Variants in ROCK1 observed in about 807,000 individuals in gnomAD.
ROCK1 encodes the protein rho-associated protein kinase 1.
In ROCK1, 36 loss-of-function variants were observed where a neutral mutation model predicts 196.8. That is an observed-to-expected ratio of 0.18 (90% CI 0.14 to 0.24). ROCK1 has a LOEUF of 0.24. ROCK1 is among the 10% of genes least tolerant of loss of function. The pLI is 1.00. For missense variants in ROCK1, 920 were observed against 1,562.0 expected (o/e 0.59, Z 6.93); for synonymous variants, 443 against 515.9 (o/e 0.86, Z 1.91).
intron 19 of ROCK1, 95 bp from the exon 20 acceptor site, chr18:20,984,630 T>C (rs2035561925): frequency 1.2e-6 from 1 of 836,206 alleles, no homozygotes; most frequent in Admixed American, 2.8e-5. Context: ...TACATTATAA[T>C]TCATGGTACT....
In ROCK1 at chr18:21,075,957, A is replaced by G. The variant is rs138096969; in HGVS notation, c.94-5344T>C. On this transcript the variant is annotated intron_variant, in intron 1 of 32. Coordinates refer to ENST00000399799, the MANE Select transcript of ROCK1 (RefSeq NM_005406.3). ...ACAGAGCAAGACTCTGTCTCAAAAA[A>G]AAAAAAAAAGGAAAGAAAAAAAAGA... 4.2e-3 allele frequency among the ~76,000 whole-genome samples: 644 copies of G among 151,944 alleles called. 4 individuals are homozygous for G. Among genetic ancestry groups the G allele is most frequent in the African/African-American group, 0.014 (599 of 41,450 alleles).
intron 16 of ROCK1, among the ~76,000 whole-genome samples, chr18:21,004,660 A>G (rs182545262): frequency 3.3e-5 from 5 of 152,326 alleles, no homozygotes; most frequent in Admixed American, 6.5e-5. Flanking sequence ...TCACAAACTT[A>G]TAAGAATTTT....
intron 11 of ROCK1, among the ~76,000 whole-genome samples, chr18:21,021,447 T>C (rs2035912124): frequency 6.6e-6 from 1 of 151,888 alleles, no homozygotes; most frequent in African/African-American, 2.4e-5. Flanking sequence ...TTCAAAAATA[T>C]GGGAGGTAAA....
intron 22 of ROCK1, among the ~76,000 whole-genome samples, chr18:20,977,577 T>C (rs1043774592): frequency 6.6e-6 from 1 of 152,230 alleles, no homozygotes; most frequent in Non-Finnish European, 1.5e-5. Flanking sequence ...CTGAAGCACC[T>C]GAAGAATCAT....
chr18:21,049,336 CCTTA>C, intron 3 of ROCK1, 107 bp from the exon 4 acceptor site: 2 of 849,100 alleles, frequency 2.4e-6, no homozygotes, highest in Non-Finnish European at 3.4e-6. Flanking sequence ...AATAATTTAG[CCTTA>C]CTGTTTCAGT....
chr18:20,956,187 A>G (rs1041629351), intron 29 of ROCK1, among the ~76,000 whole-genome samples: 12 of 152,266 alleles, frequency 7.9e-5, no homozygotes, highest in African/African-American at 2.9e-4. Flanking sequence ...GTGAAAGAGA[A>G]AGAGAGAGAA....
At chr18:21,047,230 G>A (rs1327267131) in intron 4 of ROCK1, among the ~76,000 whole-genome samples, 1 of 152,114 alleles carries the variant, frequency 6.6e-6, no homozygotes, top group Non-Finnish European at 1.5e-5. Context: ...AACAGACACT[G>A]AACGTTCATG....
chr18:20,977,990 G>C (rs1334020368), intron 22 of ROCK1, among the ~76,000 whole-genome samples: 2 of 152,180 alleles, frequency 1.3e-5, no homozygotes, highest in Non-Finnish European at 2.9e-5. Flanking sequence ...TATACCCGCT[G>C]TGATGCTAAA....
chr18:21,039,644 T>C, intron 8 of ROCK1, 81 bp from the exon 9 acceptor site: 1 of 972,968 alleles, frequency 1.0e-6, no homozygotes. Context: ...GTGGGCAGGA[T>C]ATTAAATCAG....
At chr18:20,974,809 A>G (rs748013069) in intron 22 of ROCK1, among the ~76,000 whole-genome samples, 12 of 152,216 alleles carry the variant, frequency 7.9e-5, no homozygotes, top group Admixed American at 2.0e-4. Context: ...AATTTTATTT[A>G]TTTGAATGAA....
chr18:21,081,753 T>C (rs1191780750), intron 1 of ROCK1, among the ~76,000 whole-genome samples: 2 of 152,064 alleles, frequency 1.3e-5, no homozygotes, highest in East Asian at 3.9e-4. Context: ...AAAGGGTAAC[T>C]TACATAAAAT....
chr18:21,035,901 T>C (rs1282576276), intron 9 of ROCK1, among the ~76,000 whole-genome samples: 1 of 152,146 alleles, frequency 6.6e-6, no homozygotes, highest in Non-Finnish European at 1.5e-5. Flanking sequence ...AGAATAGTGA[T>C]TACTGGACAG....
chr18:20,981,409 T>C (rs1234762808), intron 21 of ROCK1, among the ~76,000 whole-genome samples: 2 of 151,794 alleles, frequency 1.3e-5, no homozygotes, highest in Non-Finnish European at 2.9e-5. Context: ...AAAAAAGAAA[T>C]ATCCACAAAT....
intron 1 of ROCK1, among the ~76,000 whole-genome samples, chr18:21,071,750 CATTAAAAAAAT>C (rs745370756): frequency 2.0e-5 from 3 of 151,852 alleles, no homozygotes; most frequent in Non-Finnish European, 4.4e-5. Flanking sequence ...CAGGTCAAAA[CATTAAAAAAAT>C]AAAGAACCAG....
intron 2 of ROCK1, among the ~76,000 whole-genome samples, chr18:21,062,156 A>T (rs1249586732): frequency 6.6e-6 from 1 of 152,198 alleles, no homozygotes; most frequent in Non-Finnish European, 1.5e-5. Context: ...CTTGGTTTCT[A>T]AATATCATTC....
At chr18:20,988,299 C>G (rs1339208059) in intron 18 of ROCK1, among the ~76,000 whole-genome samples, 6 of 152,038 alleles carry the variant, frequency 3.9e-5, no homozygotes, top group Non-Finnish European at 1.5e-5. Flanking sequence ...AACTCCTGAC[C>G]TCAAATAATC....
intron 27 of ROCK1, among the ~76,000 whole-genome samples, chr18:20,962,570 A>C (rs538368392): frequency 7.1e-4 from 108 of 152,268 alleles, no homozygotes; most frequent in African/African-American, 2.5e-3. Context: ...ATATATCTTC[A>C]ATAAGTTGTT....
chr18:21,037,160 G>A (rs1172331727), intron 9 of ROCK1, among the ~76,000 whole-genome samples: 1 of 152,006 alleles, frequency 6.6e-6, no homozygotes, highest in Non-Finnish European at 1.5e-5. Flanking sequence ...TCTTACTCAT[G>A]TTACTCCTTC....
In ROCK1 at chr18:21,007,115, T is replaced by A. The variant is rs1428451699; in HGVS notation, c.1547-325A>T. ...ATTTTTCAAGAGTTCAATTGCTTGA[T>A]AATTCAATATCTTAATAAAAATACA... On this transcript the variant is annotated intron_variant, in intron 14 of 32. Transcript: ENST00000399799. Among the ~76,000 whole-genome samples the A allele has an allele frequency of 4.5e-4, 68 of 152,150 alleles. 1 individual carries two copies. Among genetic ancestry groups the A allele is most frequent in the Non-Finnish European group, 3.1e-4 (21 of 67,986 alleles).
Sources: allele counts gnomAD v4.1 joint callset (sites outside exome capture counted in the v4.1 genomes callset), GRCh38; gene constraint gnomAD v4.1.1; transcripts MANE v1.5; gene names NCBI Gene and HGNC (gene_info 2026-07-23, HGNC 2026-07-21).